The following BCAS3 variants were observed in gnomAD, a reference collection of about 807,000 sequenced individuals.
The protein encoded by BCAS3 is BCAS4/BCAS3 fusion.
In BCAS3, 53 loss-of-function variants were observed where a neutral mutation model predicts 116.1. That is an observed-to-expected ratio of 0.46 (90% CI 0.37 to 0.57). The LOEUF is 0.57. BCAS3 is among the 20% of genes least tolerant of loss of function. BCAS3 has a pLI of 0.00. For synonymous variants in BCAS3, 391 were observed against 408.2 expected (o/e 0.96, Z 0.51); for missense variants, 917 against 1,165.4 (o/e 0.79, Z 3.10).
At chr17:60,849,446 T>A (rs1176274083) in intron 7 of BCAS3, among the ~76,000 whole-genome samples, 1 of 152,154 alleles carries the variant, frequency 6.6e-6, no homozygotes, top group African/African-American at 2.4e-5. Flanking sequence ...AGGGGTAGTG[T>A]GCAGAGGAGA....
intron 6 of BCAS3, among the ~76,000 whole-genome samples, chr17:60,760,106 T>G: frequency 6.6e-6 from 1 of 152,262 alleles, no homozygotes; most frequent in East Asian, 1.9e-4. Flanking sequence ...GCCATCATAC[T>G]TGTATCATGT....
intron 22 of BCAS3, among the ~76,000 whole-genome samples, chr17:61,085,108 A>C (rs2072974657): frequency 2.0e-5 from 3 of 152,204 alleles, no homozygotes. Context: ...ACAGAGAAGG[A>C]GATCTTTGCC....
At chr17:61,048,382 G>A (rs1279602041) in intron 19 of BCAS3, among the ~76,000 whole-genome samples, 1 of 151,990 alleles carries the variant, frequency 6.6e-6, no homozygotes, top group Non-Finnish European at 1.5e-5. Context: ...AATGAGACAA[G>A]CCCTGCACTT....
intron 13 of BCAS3, among the ~76,000 whole-genome samples, chr17:60,933,202 T>C (rs1195869335): frequency 1.3e-5 from 2 of 152,098 alleles, no homozygotes; most frequent in Non-Finnish European, 2.9e-5. Context: ...GGAAATGACA[T>C]TTTTATGTAA....
chr17:61,253,415 CAT>C (rs552397246), intron 22 of BCAS3, among the ~76,000 whole-genome samples: 55 of 151,828 alleles, frequency 3.6e-4, no homozygotes, highest in East Asian at 1.8e-3. Flanking sequence ...ATAGAATAAA[CAT>C]GTGTAACATT....
At chr17:60,761,713 A>G (rs2043553657) in intron 6 of BCAS3, among the ~76,000 whole-genome samples, 1 of 151,668 alleles carries the variant, frequency 6.6e-6, no homozygotes, top group Non-Finnish European at 1.5e-5. Flanking sequence ...TCCTTTGGGT[A>G]TATACCCAGT....
Position 61,376,035 on chromosome 17 carries a change from A to G in BCAS3, c.2593+7541A>G, listed in dbSNP as rs1471992206. ...ATTTTCTGCATCCCACATATTTTTA[A>G]AATCTGCAATTTAGAGAGAACTTTA... On this transcript the variant is annotated intron_variant, in intron 23 of 23. Coordinates refer to ENST00000407086, the MANE Select transcript of BCAS3 (RefSeq NM_017679.5). The surrounding 1 kb of genome is among the most constrained non-coding windows in gnomAD (Gnocchi z 4.5). 1.3e-5 allele frequency among the ~76,000 whole-genome samples: 2 copies of G among 152,320 alleles called. No homozygotes were observed. Among genetic ancestry groups the G allele is most frequent in the African/African-American group, 2.4e-5 (1 of 41,564 alleles).
Position 61,366,156 on chromosome 17 carries a change from A to G in BCAS3, c.2426-2171A>G, listed in dbSNP as rs987575243. On this transcript the variant is annotated intron_variant, in intron 22 of 23. Coordinates refer to ENST00000407086, the MANE Select transcript of BCAS3 (RefSeq NM_017679.5). This position sits in a 1 kb window ranked among gnomAD's most constrained non-coding sequence, Gnocchi z 4.5. The stretch of plus-strand genomic sequence containing the variant: ...AGACTGTCTCAAAAAAAAAAAAAAA[A>G]GTTGAGCCAACAGGGAGGAGGAGGG... 1.4e-5 allele frequency among the ~76,000 whole-genome samples: 2 copies of G among 142,754 alleles called. No homozygotes were observed. The highest frequency in any genetic ancestry group is 5.2e-5 in the African/African-American group (2 of 38,806). The allele number at this position is 142,754 out of a possible 152,430, so 93.7% of individuals were successfully genotyped here. A position where few individuals can be genotyped will look rare whatever the true frequency, so the allele number is the denominator to read the frequency against.
chr17:61,070,402 TTTTCACC>T (rs2071303848), intron 19 of BCAS3: 16 of 167,038 alleles, frequency 9.6e-5, no homozygotes, highest in Non-Finnish European at 1.3e-4. Flanking sequence ...TATATATATC[TTTTCACC>T]ATTTAAAAAA....
intron 22 of BCAS3, among the ~76,000 whole-genome samples, chr17:61,100,086 G>A (rs2074229509): frequency 6.6e-6 from 1 of 152,170 alleles, no homozygotes; most frequent in Non-Finnish European, 1.5e-5. Flanking sequence ...AAAGGCAACA[G>A]TTATTATATA....
chr17:60,679,468 C>T lies in BCAS3; in HGVS notation c.11C>T (p.Ala4Val). MNE[A>V]MATDSPRRPS... ...CTGGAAACAGGTTTTATGAATGAAGCTATGGCTACAGATTCCCCAAGAAGA... is the reference window on the plus strand; with the variant it reads ...CTGGAAACAGGTTTTATGAATGAAGTTATGGCTACAGATTCCCCAAGAAGA... The change falls in exon 2 of 24, where the codon GCT (alanine) becomes GTT (valine). Residue 4 changes from alanine (A) to valine (V), a missense_variant. By Grantham distance (64) the Ala-to-Val change is moderately conservative. This residue lies in a region of BCAS3 where 807 missense variants were observed against 1,026.0 expected (regional missense o/e 0.79). Transcript: ENST00000407086. 6.2e-7 allele frequency: 1 copy of T among 1,613,414 alleles called. No individual in the cohort carries two copies. Among genetic ancestry groups the T allele is most frequent in the South Asian group, 1.1e-5 (1 of 91,018 alleles).
At chr17:60,873,071 A>G (rs567002315) in intron 8 of BCAS3, among the ~76,000 whole-genome samples, 1 of 152,308 alleles carries the variant, frequency 6.6e-6, no homozygotes, top group East Asian at 1.9e-4. Context: ...GCTTTAGTAT[A>G]GTAACAGAAC....
intron 7 of BCAS3, among the ~76,000 whole-genome samples, chr17:60,808,979 T>C (rs1426240996): frequency 6.6e-6 from 1 of 152,008 alleles, no homozygotes; most frequent in Non-Finnish European, 1.5e-5. Flanking sequence ...AATAAATACA[T>C]TTAAGAATGG....
At chr17:60,851,043 AG>A (rs2053100268) in intron 7 of BCAS3, among the ~76,000 whole-genome samples, 1 of 152,214 alleles carries the variant, frequency 6.6e-6, no homozygotes, top group South Asian at 2.1e-4. Context: ...TGACCTCTTA[AG>A]TACAACACCG....
At chr17:61,197,363 A>G (rs1402088255) in intron 22 of BCAS3, among the ~76,000 whole-genome samples, 3 of 152,230 alleles carry the variant, frequency 2.0e-5, no homozygotes, top group African/African-American at 7.2e-5. Context: ...AAAAGCTTAC[A>G]TAATGAATAC....
intron 6 of BCAS3, among the ~76,000 whole-genome samples, chr17:60,805,118 A>C (rs990989580): frequency 2.1e-4 from 32 of 152,004 alleles, no homozygotes; most frequent in African/African-American, 7.7e-4. Flanking sequence ...TATATAAATA[A>C]CATATTTATA....
chr17:60,870,805 C>T (rs1483070297), intron 8 of BCAS3, among the ~76,000 whole-genome samples: 1 of 152,136 alleles, frequency 6.6e-6, no homozygotes, highest in East Asian at 1.9e-4. Context: ...ACAGAAAAAA[C>T]TCAAGTCTTG....
chr17:60,778,161 G>A lies in BCAS3; in HGVS notation c.404-29843G>A, dbSNP rs1053138523. Reference sequence around the variant, plus strand: ...CTTTCATCCTTTCAGTTTGGATGAAGTCCAATTATCTTTTTTTTTTTATTT... The same window carrying A: ...CTTTCATCCTTTCAGTTTGGATGAAATCCAATTATCTTTTTTTTTTTATTT... On this transcript the variant is annotated intron_variant, in intron 6 of 23. Coordinates refer to ENST00000407086, the MANE Select transcript of BCAS3 (RefSeq NM_017679.5). Among the ~76,000 whole-genome samples, 97 of 151,944 alleles carry A rather than the reference G, an allele frequency of 6.4e-4. 4 individuals are homozygous for A. Among genetic ancestry groups the A allele is most frequent in the Admixed American group, 2.0e-4 (3 of 15,254 alleles).
chr17:61,260,105 T>C (rs1428191479), intron 22 of BCAS3, among the ~76,000 whole-genome samples: 2 of 152,220 alleles, frequency 1.3e-5, no homozygotes, highest in Non-Finnish European at 2.9e-5. Flanking sequence ...AGCTACTAAA[T>C]GCCGAAGTCA....
Sources: allele counts gnomAD v4.1 joint callset (sites outside exome capture counted in the v4.1 genomes callset), GRCh38; gene constraint gnomAD v4.1.1; regional missense constraint gnomAD v4.1.1; non-coding constraint Gnocchi (gnomAD v3.1); transcripts MANE v1.5; gene names NCBI Gene and HGNC (gene_info 2026-07-23, HGNC 2026-07-21).